KLHL42: variants seen among roughly 807,000 people sequenced by gnomAD.
KLHL42 encodes kelch like family member 42.
Under a neutral mutation model 32.7 loss-of-function variants are expected in KLHL42, and 27 were observed. That is an observed-to-expected ratio of 0.83 (90% CI 0.61 to 1.14). The LOEUF (loss-of-function observed/expected upper bound fraction) is 1.14, where lower values mean the gene tolerates loss of function less well. Ranked by LOEUF, KLHL42 falls within the 50% of genes most tolerant of loss-of-function variation. The pLI, the probability that KLHL42 is intolerant of heterozygous loss-of-function variation, is 0.00. For missense variants in KLHL42, 491 were observed against 560.8 expected (o/e 0.88, Z 1.26); for synonymous variants, 267 against 248.2 (o/e 1.08, Z -0.71).
chr12:27,784,689 A>G (rs2062164308), intron 1 of KLHL42, among the ~76,000 whole-genome samples: 1 of 152,192 alleles, frequency 6.6e-6, no homozygotes, highest in African/African-American at 2.4e-5. Context: ...GCCCATCAAA[A>G]AAATTGTTCT....
rs146109660 is a variant in KLHL42 at position 27,800,248 on chromosome 12, A to T, written c.*2082A>T. On this transcript the variant is annotated 3_prime_UTR_variant, in exon 3 of 3. Coordinates refer to ENST00000381271, the MANE Select transcript of KLHL42 (RefSeq NM_020782.2). ...CTTCCTGGTTACATTCATTGGGTCT[A>T]TTTGCCTAATGTTGACAATTAGATT... 9.1e-6 allele frequency: 9 copies of T among 985,112 alleles called. No individual in the cohort carries two copies. The highest frequency in any genetic ancestry group is 1.1e-5 in the Non-Finnish European group (9 of 829,914). 61.0% of individuals were successfully genotyped at this position (985,112 alleles called of 1,614,324 possible). A position where few individuals can be genotyped will look rare whatever the true frequency, so the allele number is the denominator to read the frequency against.
chr12:27,802,856 A>G lies in KLHL42; in HGVS notation c.*4690A>G, dbSNP rs1001364656. Reference sequence around the variant, plus strand: ...GTAGAATGAATAGTTATGTTTTGATATGACTGATACTTTCTTTGTTAAAAG... The same window carrying G: ...GTAGAATGAATAGTTATGTTTTGATGTGACTGATACTTTCTTTGTTAAAAG... On this transcript the variant is annotated 3_prime_UTR_variant, in exon 3 of 3. Coordinates refer to ENST00000381271, the MANE Select transcript of KLHL42 (RefSeq NM_020782.2). 2 of 152,444 alleles carry G rather than the reference A, an allele frequency of 1.3e-5. No individual in the cohort carries two copies. Among genetic ancestry groups the G allele is most frequent in the Non-Finnish European group, 2.9e-5 (2 of 68,036 alleles). The allele number at this position is 152,444 out of a possible 1,614,324, so 9.4% of individuals were successfully genotyped here.
chr12:27,783,765 T>C (rs1417321466), intron 1 of KLHL42, among the ~76,000 whole-genome samples: 1 of 151,982 alleles, frequency 6.6e-6, no homozygotes, highest in Admixed American at 6.6e-5. Context: ...TTTGTATTTT[T>C]AGTAGAGACG....
chr12:27,785,638 G>A (rs12581729), intron 1 of KLHL42, among the ~76,000 whole-genome samples: 22,921 of 152,010 alleles, frequency 0.15, 2,229 homozygotes, highest in Non-Finnish European at 0.22. Flanking sequence ...TGAGTGTTCC[G>A]TGTCTGCTCC....
intron 2 of KLHL42, among the ~76,000 whole-genome samples, chr12:27,794,559 A>G (rs1236941973): frequency 6.6e-6 from 1 of 152,270 alleles, no homozygotes; most frequent in East Asian, 1.9e-4. Context: ...TGGCACAGTC[A>G]TAGCTCATTG....
Position 27,797,755 on chromosome 12 carries a change from C to T in KLHL42, c.1107C>T (p.Asp369=), listed in dbSNP as rs761442858. Residue 369 remains aspartate, a synonymous_variant, in exon 3 of 3, where the codon GAC becomes GAT. Coordinates refer to ENST00000381271, the MANE Select transcript of KLHL42 (RefSeq NM_020782.2). ...TTTTGCAGTACTGCCCCTCTTCCGACATGTGGACGCTCTTTGAAACATGTG... is the reference window on the plus strand; with the variant it reads ...TTTTGCAGTACTGCCCCTCTTCCGATATGTGGACGCTCTTTGAAACATGTG... ...MNILQYCPSS[D]MWTLFETCDV... 5 of 723,886 alleles carry T rather than the reference C, an allele frequency of 6.9e-6. No individual in the cohort carries two copies. Among genetic ancestry groups the T allele is most frequent in the Non-Finnish European group, 1.3e-5 (5 of 388,972 alleles). The allele number at this position is 723,886 out of a possible 1,614,324, so 44.8% of individuals were successfully genotyped here. A position where few individuals can be genotyped will look rare whatever the true frequency, so the allele number is the denominator to read the frequency against.
intron 1 of KLHL42, among the ~76,000 whole-genome samples, chr12:27,788,600 C>T (rs533373982): frequency 3.3e-5 from 5 of 152,272 alleles, no homozygotes; most frequent in African/African-American, 9.6e-5. Context: ...GAGGCTGAGT[C>T]AGGAGGATTG....
intron 1 of KLHL42, chr12:27,787,706 G>A (rs887240420): frequency 2.0e-5 from 3 of 152,166 alleles, no homozygotes; most frequent in African/African-American, 7.2e-5. Flanking sequence ...AATACAGCAA[G>A]GCTGAGAGAG....
intron 2 of KLHL42, among the ~76,000 whole-genome samples, chr12:27,793,719 T>C (rs189260590): frequency 6.6e-6 from 1 of 152,344 alleles, no homozygotes; most frequent in Non-Finnish European, 1.5e-5. Flanking sequence ...TGTGACTCTA[T>C]GGAGCCCAGG....
chr12:27,802,442 A>G lies in KLHL42; in HGVS notation c.*4276A>G, dbSNP rs763202905. 2.6e-5 allele frequency: 4 copies of G among 152,538 alleles called. No homozygotes were observed. The highest frequency in any genetic ancestry group is 9.6e-5 in the African/African-American group (4 of 41,462). 9.4% of individuals were successfully genotyped at this position (152,538 alleles called of 1,614,324 possible). ...AAAAGGTGGTTGATTTTGCCTTGTG[A>G]TAATTATCAAAGGATAGTTTTTCAT... On this transcript the variant is annotated 3_prime_UTR_variant, in exon 3 of 3. Coordinates refer to ENST00000381271, the MANE Select transcript of KLHL42 (RefSeq NM_020782.2).
rs555328230 is a variant in KLHL42 at position 27,796,141 on chromosome 12, G to A, written c.1067-1574G>A. On this transcript the variant is annotated intron_variant, in intron 2 of 2. Transcript: ENST00000381271. Reference sequence around the variant, plus strand: ...GAAATCAGGACAGTTTCCTAATGCCGTGGCTTACAATTCTGAGATTTCTCC... The same window carrying A: ...GAAATCAGGACAGTTTCCTAATGCCATGGCTTACAATTCTGAGATTTCTCC... Among the ~76,000 whole-genome samples, 11 of 152,310 alleles carry A rather than the reference G, an allele frequency of 7.2e-5. No homozygotes were observed. The East Asian group carries it at 1.7e-3, about 24-fold the overall frequency.
chr12:27,791,833 C>T lies in KLHL42; in HGVS notation c.998C>T (p.Pro333Leu), dbSNP rs1485816745. The change falls in exon 2 of 3, where the codon CCT (proline) becomes CTT (leucine). Residue 333 changes from proline (P) to leucine (L), a missense_variant. Physicochemically the swap from Pro to Leu is moderately conservative, Grantham distance 98. Around this residue, in one of 4 missense-constraint regions of KLHL42, gnomAD observed 152 missense variants for 125.9 expected, o/e 1.21. Transcript: ENST00000381271. ...AWNFVAPLPNPLAEFSACECK... is the reference protein window; with the variant it reads ...AWNFVAPLPNLLAEFSACECK... ...AATTTTGTGGCGCCCTTACCCAATCCTCTGGCTGAGTTCTCTGCCTGTGAG... is the reference window on the plus strand; with the variant it reads ...AATTTTGTGGCGCCCTTACCCAATCTTCTGGCTGAGTTCTCTGCCTGTGAG... 1 of 1,614,064 alleles carries T rather than the reference C, an allele frequency of 6.2e-7. No homozygotes were observed. Among genetic ancestry groups the T allele is most frequent in the East Asian group, 2.2e-5 (1 of 44,900 alleles).
Position 27,801,124 on chromosome 12 carries a change from GAGA to G in KLHL42, c.*2961_*2963del, listed in dbSNP as rs1245152551. 4 of 152,584 alleles carry G rather than the reference GAGA, an allele frequency of 2.6e-5. No homozygotes were observed. The highest frequency in any genetic ancestry group is 7.2e-5 in the African/African-American group (3 of 41,442). The allele number at this position is 152,584 out of a possible 1,614,324, so 9.5% of individuals were successfully genotyped here. A position where few individuals can be genotyped will look rare whatever the true frequency, so the allele number is the denominator to read the frequency against. On this transcript the variant is annotated 3_prime_UTR_variant, in exon 3 of 3. Coordinates refer to ENST00000381271, the MANE Select transcript of KLHL42 (RefSeq NM_020782.2). ...GGTTAAGTCACAACGACGAAGTGCT[GAGA>G]AGGTTATGGGTACCAGGAAGAAACA...
At chr12:27,788,287 T>C (rs1374195239) in intron 1 of KLHL42, 1 of 152,230 alleles carries the variant, frequency 6.6e-6, no homozygotes, top group Admixed American at 6.5e-5. Context: ...GGTCAGGTAT[T>C]GTAGTCACAA....
At position 27,791,770 on chromosome 12, in the gene KLHL42, C is replaced by T; in HGVS notation, c.935C>T (p.Ser312Phe). Residue 312 changes from serine (S) to phenylalanine (F), a missense_variant, in exon 2 of 3, where the codon TCT (serine) becomes TTT (phenylalanine). Ser to Phe is a radical substitution (Grantham distance 155). Around this residue, in one of 4 missense-constraint regions of KLHL42, gnomAD observed 248 missense variants for 329.2 expected, o/e 0.75. Transcript: ENST00000381271. ...KLYAIGGQAV[S>F]NVECYNPEQD... ...TATGCCATCGGAGGGCAGGCCGTTT[C>T]TAACGTTGAGTGTTACAACCCCGAG... 6.2e-7 allele frequency: 1 copy of T among 1,614,242 alleles called. No homozygotes were observed. The highest frequency in any genetic ancestry group is 1.3e-5 in the African/African-American group (1 of 75,064).
chr12:27,781,854 C>G (rs1377661883), intron 1 of KLHL42, among the ~76,000 whole-genome samples: 1 of 152,202 alleles, frequency 6.6e-6, no homozygotes, highest in Non-Finnish European at 1.5e-5. Context: ...TTCTCCCCCT[C>G]CCATCCTGCA....
chr12:27,791,728 C>T lies in KLHL42; in HGVS notation c.893C>T (p.Ala298Val). 2.5e-6 allele frequency: 4 copies of T among 1,614,068 alleles called. No homozygotes were observed. The highest frequency in any genetic ancestry group is 3.4e-6 in the Non-Finnish European group (4 of 1,179,924). The change falls in exon 2 of 3, where the codon GCT (alanine) becomes GTT (valine). Residue 298 changes from alanine to valine, a missense_variant. Ala to Val is a moderately conservative substitution (Grantham distance 64). Around this residue, in one of 4 missense-constraint regions of KLHL42, gnomAD observed 248 missense variants for 329.2 expected, o/e 0.75. Transcript: ENST00000381271. ...TTCAGGTCTAACTTCAAACTTGTGGCTGTTAATTCAAAACTCTATGCCATC... is the reference window on the plus strand; with the variant it reads ...TTCAGGTCTAACTTCAAACTTGTGGTTGTTAATTCAAAACTCTATGCCATC... ...NQKRSNFKLV[A>V]VNSKLYAIGG... is the part of the protein sequence containing the mutation.
chr12:27,789,453 A>C (rs932525544), intron 1 of KLHL42, among the ~76,000 whole-genome samples: 2 of 152,178 alleles, frequency 1.3e-5, no homozygotes, highest in African/African-American at 2.4e-5. Context: ...CTTCAAGTGA[A>C]TTTGAGCGTG....
intron 2 of KLHL42, 139 bp from the exon 3 acceptor site, chr12:27,797,575 GT>G: frequency 1.5e-6 from 1 of 652,630 alleles, no homozygotes; most frequent in Non-Finnish European, 2.7e-6. Context: ...TTTGAAAACT[GT>G]TTTTCTAACT....
Sources: allele counts gnomAD v4.1 joint callset (sites outside exome capture counted in the v4.1 genomes callset), GRCh38; gene constraint gnomAD v4.1.1; regional missense constraint gnomAD v4.1.1; transcripts MANE v1.5; gene names NCBI Gene and HGNC (gene_info 2026-07-23, HGNC 2026-07-21).